Variants in HYDIN observed in about 807,000 individuals in gnomAD.
HYDIN encodes HYDIN axonemal central pair apparatus protein.
Under a neutral mutation model 403.9 loss-of-function variants are expected in HYDIN, and 132 were observed. That is an observed-to-expected ratio of 0.33 (90% CI 0.28 to 0.38). HYDIN has a LOEUF of 0.38. HYDIN is among the 10% of genes least tolerant of loss of function. HYDIN has a pLI of 1.00. For synonymous variants in HYDIN, 1,202 were observed against 1,891.7 expected, an observed-to-expected ratio of 0.64 and a Z score of 9.46; for missense variants, 2,827 against 5,009.5, an observed-to-expected ratio of 0.56 and a Z score of 13.15.
intron 41 of HYDIN, among the ~76,000 whole-genome samples, 184 bp from the exon 42 acceptor site, chr16:70,944,133 T>G (rs1361885086): frequency 6.6e-6 from 1 of 152,234 alleles, no homozygotes; most frequent in Non-Finnish European, 1.5e-5. Flanking sequence ...AAGTTTCAAG[T>G]GGGAATAGCA....
chr16:71,172,694 T>C (rs964571448), intron 5 of HYDIN, among the ~76,000 whole-genome samples: 2 of 152,274 alleles, frequency 1.3e-5, no homozygotes, highest in South Asian at 2.1e-4. Flanking sequence ...CTAATATACA[T>C]GGGTACTGAA....
chr16:71,083,715 G>C (rs1291175643), intron 12 of HYDIN, among the ~76,000 whole-genome samples: 2 of 152,124 alleles, frequency 1.3e-5, no homozygotes, highest in African/African-American at 4.8e-5. Flanking sequence ...ACATTGTTAA[G>C]TGCCTGCCAC....
At chr16:71,106,431 A>T (rs1330267402) in intron 10 of HYDIN, among the ~76,000 whole-genome samples, 1 of 152,134 alleles carries the variant, frequency 6.6e-6, no homozygotes, top group East Asian at 1.9e-4. Flanking sequence ...TATAATAATA[A>T]TCAACTTCTA....
chr16:71,066,029 A>G (rs2082252354), intron 15 of HYDIN, among the ~76,000 whole-genome samples: 1 of 151,988 alleles, frequency 6.6e-6, no homozygotes, highest in South Asian at 2.1e-4. Flanking sequence ...ATCCTTTACT[A>G]CCTGAAATAC....
rs557014682 is a variant in HYDIN at position 70,855,265 on chromosome 16, G to A, written c.12306C>T (p.Ala4102=). 190 of 1,567,438 alleles carry A rather than the reference G, an allele frequency of 1.2e-4. 23 individuals are homozygous for A. The East Asian group carries it at 4.4e-3, about 36-fold the overall frequency. ...TGTTAATGATCTGCACAGTCTCCCTGGCTTCTCTGCCTGAGGAGGAAACAC... is the reference window on the plus strand; with the variant it reads ...TGTTAATGATCTGCACAGTCTCCCTAGCTTCTCTGCCTGAGGAGGAAACAC... ...NFSSLLIGRE[A]RETVQIINKE... Residue 4102 remains alanine, a synonymous_variant, in exon 73 of 86, where the codon GCC becomes GCT. Transcript: ENST00000393567.
chr16:71,074,707 C>CA (rs59315287), intron 13 of HYDIN, among the ~76,000 whole-genome samples: 33,783 of 86,164 alleles, frequency 0.39, 6,559 homozygotes, highest in African/African-American at 0.6. Flanking sequence ...CAAAAAACAC[C>CA]AAAAAAAAAA....
In HYDIN at chr16:70,951,275, AGAGAGGGAGAGAGG is replaced by A. The variant is rs1223211916; in HGVS notation, c.6531+1132_6531+1145del. Among the ~76,000 whole-genome samples, 14 of 150,184 alleles carry A rather than the reference AGAGAGGGAGAGAGG, an allele frequency of 9.3e-5. 1 individual carries two copies. The highest frequency in any genetic ancestry group is 3.5e-4 in the African/African-American group (14 of 40,146). On this transcript the variant is annotated intron_variant, in intron 41 of 85. Coordinates refer to ENST00000393567, the MANE Select transcript of HYDIN (RefSeq NM_001270974.2). ...GAGAGAGAGAGAGAGAGAGAGAGAG[AGAGAGGGAGAGAGG>A]GAGAGAGAGAGAGAGAAACTTCACA... is the stretch of plus-strand genomic sequence containing the variant.
At chr16:70,960,856 T>C (rs1434345090) in intron 38 of HYDIN, among the ~76,000 whole-genome samples, 11 of 152,172 alleles carry the variant, frequency 7.2e-5, no homozygotes, top group African/African-American at 2.6e-4. Context: ...CATGCCCGGC[T>C]AATTTTTTGT....
intron 43 of HYDIN, among the ~76,000 whole-genome samples, chr16:70,939,519 A>G (rs1259032505): frequency 6.6e-6 from 1 of 152,094 alleles, no homozygotes; most frequent in Non-Finnish European, 1.5e-5. Flanking sequence ...TTAAAATCTC[A>G]TGTTTGTTAA....
intron 60 of HYDIN, among the ~76,000 whole-genome samples, chr16:70,880,321 A>C (rs1399824392): frequency 1.4e-5 from 2 of 139,156 alleles, no homozygotes; most frequent in Non-Finnish European, 3.0e-5. Flanking sequence ...GGCCTCCCAT[A>C]GTGCTGGGAT....
At chr16:70,934,124 A>T (rs573552915) in intron 45 of HYDIN, among the ~76,000 whole-genome samples, 1 of 152,272 alleles carries the variant, frequency 6.6e-6, no homozygotes, top group Non-Finnish European at 1.5e-5. Context: ...GAGGACGTCA[A>T]GCAAGTCAAG....
chr16:70,992,990 C>T (rs1223740301), intron 23 of HYDIN, among the ~76,000 whole-genome samples: 1 of 152,164 alleles, frequency 6.6e-6, no homozygotes, highest in African/African-American at 2.4e-5. Context: ...ATCTCAAGCC[C>T]TTGATGTTAA....
intron 1 of HYDIN, among the ~76,000 whole-genome samples, chr16:71,220,967 C>T (rs955177269): frequency 1.3e-5 from 2 of 152,132 alleles, no homozygotes; most frequent in African/African-American, 2.4e-5. Flanking sequence ...ATCTAGCCAA[C>T]ATCTAACTGA....
intron 5 of HYDIN, among the ~76,000 whole-genome samples, chr16:71,170,239 T>A (rs2086407025): frequency 6.6e-6 from 1 of 152,240 alleles, no homozygotes; most frequent in Admixed American, 6.5e-5. Context: ...TTTGGTTTTG[T>A]TGTTGTTATT....
rs545347325 is a variant in HYDIN, at chr16:70,850,740, T to C, written c.12444-85A>G. The C allele has an allele frequency of 9.7e-6, 13 of 1,335,366 alleles. No homozygotes were observed. The East Asian group carries it at 2.4e-4, about 24-fold the overall frequency. The allele number at this position is 1,335,366 out of a possible 1,614,324, so 82.7% of individuals were successfully genotyped here. A position where few individuals can be genotyped will look rare whatever the true frequency, so the allele number is the denominator to read the frequency against. On this transcript the variant is annotated intron_variant, in intron 73 of 85. Transcript: ENST00000393567. ...AATATGAGCCTACTGAATTAGCAGA[T>C]TCACTACGAGGAAAAGGAAACTCCA... is the stretch of plus-strand genomic sequence containing the variant.
intron 20 of HYDIN, among the ~76,000 whole-genome samples, chr16:71,025,849 A>G (rs1182320534): frequency 6.6e-6 from 1 of 152,190 alleles, no homozygotes; most frequent in Non-Finnish European, 1.5e-5. Flanking sequence ...AAAGGTGGTT[A>G]TATGATTTCT....
chr16:70,944,988 G>A (rs1361829150), intron 41 of HYDIN, among the ~76,000 whole-genome samples: 1 of 152,208 alleles, frequency 6.6e-6, no homozygotes, highest in Non-Finnish European at 1.5e-5. Context: ...CCTGACCTCA[G>A]GTGATCTGCC....
In HYDIN at chr16:71,069,490, G is replaced by A. The variant is rs7200126; in HGVS notation, c.1751C>T (p.Thr584Ile). The change falls in exon 14 of 86, where the codon ACC becomes ATC. Residue 584 changes from threonine to isoleucine, a missense_variant. Physicochemically the swap from Thr to Ile is moderately conservative, Grantham distance 89 (BLOSUM62 -1). Transcript: ENST00000393567. ...FGDVSFGFPH[T>I]LICSLNNTSL... ...GGTATTATTGAGGGAACATATCAAG[G>A]TATGAGGAAACCCTGGAAAACAAAA... is the stretch of plus-strand genomic sequence containing the variant. 1.3e-5 allele frequency: 21 copies of A among 1,612,764 alleles called. No individual in the cohort carries two copies. Among genetic ancestry groups the A allele is most frequent in the Admixed American group, 1.0e-4 (6 of 59,932 alleles).
chr16:71,164,949 A>G (rs911771014), intron 5 of HYDIN, among the ~76,000 whole-genome samples: 1 of 152,306 alleles, frequency 6.6e-6, no homozygotes, highest in African/African-American at 2.4e-5. Flanking sequence ...CAATTTCTTG[A>G]TACAATCCAT....
Sources: allele counts gnomAD v4.1 joint callset (sites outside exome capture counted in the v4.1 genomes callset), GRCh38; gene constraint gnomAD v4.1.1; transcripts MANE v1.5; gene names NCBI Gene and HGNC (gene_info 2026-07-23, HGNC 2026-07-21).